The following DLGAP1 variants were observed in gnomAD, a reference collection of about 807,000 sequenced individuals.
DLGAP1 encodes disks large-associated protein 1.
In DLGAP1, 11 loss-of-function variants were observed where a neutral mutation model predicts 90.8. That is an observed-to-expected ratio of 0.12 (90% CI 0.08 to 0.20). The LOEUF is 0.20. Ranked by LOEUF, DLGAP1 falls within the 10% of genes least tolerant of loss-of-function variation. The pLI is 1.00. For synonymous variants in DLGAP1, 558 were observed against 540.7 expected, an observed-to-expected ratio of 1.03 and a Z score of -0.44; for missense variants, 1,050 against 1,333.8, an observed-to-expected ratio of 0.79 and a Z score of 3.31.
At chr18:3,672,712 G>A (rs1485441602) in intron 7 of DLGAP1, among the ~76,000 whole-genome samples, 2 of 150,138 alleles carry the variant, frequency 1.3e-5, no homozygotes, top group Non-Finnish European at 3.0e-5. Flanking sequence ...TAAAGTTATC[G>A]TGTTCTCCCT....
chr18:3,813,437 A>G (rs1179675375), intron 5 of DLGAP1, among the ~76,000 whole-genome samples: 2 of 152,196 alleles, frequency 1.3e-5, no homozygotes, highest in African/African-American at 4.8e-5. Context: ...AAATCGCTTA[A>G]TGATGCATTT....
intron 5 of DLGAP1, among the ~76,000 whole-genome samples, chr18:3,807,961 T>C (rs1209220230): frequency 6.6e-6 from 1 of 152,172 alleles, no homozygotes; most frequent in African/African-American, 2.4e-5. Context: ...AGTAATTATA[T>C]AGCAAGAAAC....
intron 1 of DLGAP1, among the ~76,000 whole-genome samples, chr18:4,192,877 T>C (rs1025223820): frequency 7.4e-4 from 113 of 152,286 alleles, no homozygotes; most frequent in African/African-American, 2.5e-3. Flanking sequence ...GTTGTTCACG[T>C]TGGAAGAGAG....
At chr18:4,453,325 T>C (rs756531344) in intron 1 of DLGAP1, among the ~76,000 whole-genome samples, 11 of 151,870 alleles carry the variant, frequency 7.2e-5, no homozygotes, top group Non-Finnish European at 1.2e-4. Flanking sequence ...ATTATTTCTT[T>C]ATAGGCTTGA....
chr18:3,873,697 T>C (rs867714138), intron 4 of DLGAP1, among the ~76,000 whole-genome samples: 34 of 152,196 alleles, frequency 2.2e-4, no homozygotes, highest in Non-Finnish European at 4.4e-4. Context: ...TAAAAGATCC[T>C]GGATTCATGC....
At chr18:3,988,820 A>G (rs1447020884) in intron 3 of DLGAP1, among the ~76,000 whole-genome samples, 1 of 152,148 alleles carries the variant, frequency 6.6e-6, no homozygotes, top group East Asian at 1.9e-4. Context: ...TTCACTTTCA[A>G]CCAAACCTGG....
intron 7 of DLGAP1, among the ~76,000 whole-genome samples, chr18:3,701,359 G>A (rs1434324894): frequency 6.6e-6 from 1 of 152,216 alleles, no homozygotes; most frequent in Non-Finnish European, 1.5e-5. Context: ...CAATGACCCT[G>A]TGTTGGGGCC....
intron 9 of DLGAP1, among the ~76,000 whole-genome samples, chr18:3,563,975 T>A (rs1176033749): frequency 2.6e-5 from 4 of 152,200 alleles, no homozygotes; most frequent in African/African-American, 9.6e-5. Flanking sequence ...TCTCTACATG[T>A]TCTGCTTCTT....
chr18:3,905,368 A>C lies in DLGAP1; in HGVS notation c.-72-25228T>G, dbSNP rs1361121355. ...GGCAACAGAGTGAGACTCCATCTCA[A>C]AAAAAAAAAAAAAAAAAAAAAAAAG... On this transcript the variant is annotated intron_variant, in intron 3 of 12. Coordinates refer to ENST00000315677, the MANE Select transcript of DLGAP1 (RefSeq NM_004746.4). 3.5e-5 allele frequency among the ~76,000 whole-genome samples: 4 copies of C among 115,644 alleles called. No individual in the cohort carries two copies. The East Asian group carries it at 9.3e-4, about 27-fold the overall frequency. The allele number at this position is 115,644 out of a possible 152,430, so 75.9% of individuals were successfully genotyped here.
rs60129859 is a variant in DLGAP1, at chr18:3,719,556, CAAAA to C, written c.1591+9575_1591+9578del. Among the ~76,000 whole-genome samples the C allele has an allele frequency of 1.1e-3, 67 of 58,404 alleles. 1 individual carries two copies. In the Admixed American group the frequency reaches 0.012, roughly 11 times the overall value. 38.3% of individuals were successfully genotyped at this position (58,404 alleles called of 152,430 possible). On this transcript the variant is annotated intron_variant, in intron 7 of 12. Transcript: ENST00000315677. Reference sequence around the variant, plus strand: ...TGGGCGACAGAGCAAGACTCTGTCTCAAAAAAAAAAAAAAAAAAAAAAGAAAGAA... The same window carrying C: ...TGGGCGACAGAGCAAGACTCTGTCTCAAAAAAAAAAAAAAAAAAGAAAGAA...
intron 7 of DLGAP1, among the ~76,000 whole-genome samples, chr18:3,697,086 T>G (rs892756871): frequency 1.3e-5 from 2 of 152,174 alleles, no homozygotes; most frequent in Non-Finnish European, 2.9e-5. Flanking sequence ...TTCTTCTGTC[T>G]TTCTTCTTTA....
At chr18:3,624,577 T>G (rs2058223652) in intron 7 of DLGAP1, among the ~76,000 whole-genome samples, 1 of 152,102 alleles carries the variant, frequency 6.6e-6, no homozygotes, top group African/African-American at 2.4e-5. Context: ...GTAGCAAACT[T>G]ATCACCAAAA....
At chr18:3,857,012 C>T (rs1468790944) in intron 4 of DLGAP1, among the ~76,000 whole-genome samples, 2 of 152,052 alleles carry the variant, frequency 1.3e-5, no homozygotes, top group Admixed American at 6.6e-5. Context: ...TATAATGCTA[C>T]ATCCATAGAG....
chr18:3,737,975 C>T (rs1395022439), intron 6 of DLGAP1, among the ~76,000 whole-genome samples: 1 of 150,382 alleles, frequency 6.6e-6, no homozygotes, highest in Non-Finnish European at 1.5e-5. Context: ...TGTTATACAC[C>T]AACAACAGAC....
At chr18:3,502,773 G>C (rs2050008603) in intron 11 of DLGAP1, 128 bp from the exon 12 acceptor site, 1 of 1,000,240 alleles carries the variant, frequency 1.0e-6, no homozygotes, top group African/African-American at 1.6e-5. Flanking sequence ...TCCGACACGA[G>C]GTAAAAGTGA....
chr18:3,988,234 G>A (rs970125971), intron 3 of DLGAP1, among the ~76,000 whole-genome samples: 2 of 151,982 alleles, frequency 1.3e-5, no homozygotes, highest in African/African-American at 4.8e-5. Context: ...CAGAACCTAT[G>A]GGGATTTGAA....
In DLGAP1 at chr18:4,301,784, T is replaced by C. The variant is rs960910457; in HGVS notation, c.-266-150497A>G. ...ACTAACAGTGTACAAGGGTTCCCTT[T>C]TCTCCACATCCTTGCCAATGACCTT... is the stretch of plus-strand genomic sequence containing the variant. On this transcript the variant is annotated intron_variant, in intron 1 of 12. Coordinates refer to ENST00000315677, the MANE Select transcript of DLGAP1 (RefSeq NM_004746.4). Among the ~76,000 whole-genome samples, 6 of 152,240 alleles carry C rather than the reference T, an allele frequency of 3.9e-5. No individual in the cohort carries two copies. In the South Asian group the frequency reaches 1.0e-3, roughly 26 times the overall value.
chr18:4,436,270 A>G (rs1429232360), intron 1 of DLGAP1, among the ~76,000 whole-genome samples: 1 of 152,094 alleles, frequency 6.6e-6, no homozygotes, highest in African/African-American at 2.4e-5. Flanking sequence ...CAGCAGGCAA[A>G]GATGTATAAA....
intron 9 of DLGAP1, among the ~76,000 whole-genome samples, chr18:3,543,454 C>T (rs1163095256): frequency 6.6e-6 from 1 of 152,166 alleles, no homozygotes; most frequent in Non-Finnish European, 1.5e-5. Context: ...TGTGAGCCAC[C>T]TCATCCGGCC....
Sources: allele counts gnomAD v4.1 joint callset (sites outside exome capture counted in the v4.1 genomes callset), GRCh38; gene constraint gnomAD v4.1.1; transcripts MANE v1.5; gene names NCBI Gene and HGNC (gene_info 2026-07-23, HGNC 2026-07-21).